The following FUS variants were observed in gnomAD, a reference collection of about 807,000 sequenced individuals.
The protein encoded by FUS is FUS RNA binding protein, also known as RNA-binding protein FUS.
A neutral mutation model predicts 82.7 loss-of-function variants in FUS; 5 were observed. The ratio of observed to expected loss-of-function variants is 0.06; its 90% CI spans 0.03 to 0.13. The LOEUF (loss-of-function observed/expected upper bound fraction) is 0.13, where lower values mean the gene tolerates loss of function less well. FUS is among the 10% of genes least tolerant of loss of function. The pLI, the probability that FUS is intolerant of heterozygous loss-of-function variation, is 1.00. For synonymous variants in FUS, 281 were observed against 247.4 expected, an observed-to-expected ratio of 1.14 and a Z score of -1.27; for missense variants, 512 against 707.8, an observed-to-expected ratio of 0.72 and a Z score of 3.14.
At chr16:31,194,594 T>G (rs564686411), downstream of FUS, 14 of 496,902 alleles carry the variant, frequency 2.8e-5, no homozygotes, top group East Asian at 6.0e-4. Flanking sequence ...TGTGAGATAC[T>G]GTGTCCGGCT....
At chr16:31,185,590 G>C in intron 6 of FUS, 1 of 524,376 alleles carries the variant, frequency 1.9e-6, no homozygotes, top group Non-Finnish European at 3.7e-6. Flanking sequence ...CTAGGGAGTT[G>C]GTAATGGTTA....
At position 31,190,744 on chromosome 16, in the gene FUS, C is replaced by T. The variant is rs1278121893; in HGVS notation, c.1295C>T (p.Thr432Ile). 2 of 1,613,720 alleles carry T rather than the reference C, an allele frequency of 1.2e-6. No individual in the cohort carries two copies. Among genetic ancestry groups the T allele is most frequent in the African/African-American group, 2.7e-5 (2 of 74,924 alleles). ...TGATTGTCTTCCTTTCTCCTTAGCACCTGTGAGAATATGAACTTCTCTTGG... is the reference window on the plus strand; with the variant it reads ...TGATTGTCTTCCTTTCTCCTTAGCATCTGTGAGAATATGAACTTCTCTTGG... ...RAGDWKCPNP[T>I]CENMNFSWRN... Residue 432 changes from threonine (T) to isoleucine (I), a missense_variant and splice_region_variant, in exon 13 of 15, where the codon ACC (threonine) becomes ATC (isoleucine). By Grantham distance (89) the Thr-to-Ile change is moderately conservative (BLOSUM62 -1). Transcript: ENST00000254108.
downstream of FUS, chr16:31,194,294 A>ATTTTT: frequency 6.2e-6 from 3 of 483,890 alleles, no homozygotes; most frequent in Admixed American, 2.4e-5. Flanking sequence ...TCCTTTTTAA[A>ATTTTT]TTTTTTTTTT....
chr16:31,185,278 T>C, intron 6 of FUS, 99 bp downstream of exon 6: 1 of 1,373,942 alleles, frequency 7.3e-7, no homozygotes, highest in South Asian at 1.5e-5. Context: ...TTAGTATTCT[T>C]GTTGTCTAGG....
rs775793820 is a variant in FUS, at chr16:31,188,818, A to G, written c.833-305A>G. On this transcript the variant is annotated intron_variant, in intron 8 of 14. Transcript: ENST00000254108. ...TTCTTATTTAATTCGGGGACCTTCA[A>G]CTGAAAGTTGATAAATACTGATGGA... 102 of 485,092 alleles carry G rather than the reference A, an allele frequency of 2.1e-4. 1 individual carries two copies. Among genetic ancestry groups the G allele is most frequent in the Admixed American group, 8.1e-4 (21 of 26,068 alleles). 30.0% of individuals were successfully genotyped at this position (485,092 alleles called of 1,614,324 possible). A position where few individuals can be genotyped will look rare whatever the true frequency, so the allele number is the denominator to read the frequency against.
intron 3 of FUS, chr16:31,183,279 TA>T (rs545467315): frequency 1.7e-3 from 277 of 158,538 alleles, no homozygotes; most frequent in South Asian, 7.5e-3. Flanking sequence ...CTCAAAAACA[TA>T]AAAAAAAAAA....
rs749725354 is a variant in FUS, at chr16:31,184,425, C to A, written c.523+29C>A. ...AGATGTCTTCAGCTTTGTCTGCAGC[C>A]CATTTTCTTTTTCTTTTTTTTTTTT... On this transcript the variant is annotated intron_variant, in intron 5 of 14. Transcript: ENST00000254108. 7.0e-6 allele frequency: 11 copies of A among 1,576,872 alleles called. No homozygotes were observed. The Admixed American group carries it at 7.2e-5, about 10-fold the overall frequency.
chr16:31,189,889 C>G, intron 10 of FUS, 95 bp downstream of exon 10: 7 of 1,601,310 alleles, frequency 4.4e-6, no homozygotes, highest in Non-Finnish European at 6.0e-6. Flanking sequence ...TTGAGTCTTC[C>G]AACACTTACT....
At chr16:31,186,704 C>G in intron 6 of FUS, 98 bp from the exon 7 acceptor site, 1 of 1,169,848 alleles carries the variant, frequency 8.5e-7, no homozygotes, top group Non-Finnish European at 1.3e-6. Flanking sequence ...TTTCCAAAAA[C>G]ACCTACCCAT....
chr16:31,192,684 A>G, downstream of FUS: 1 of 480,824 alleles, frequency 2.1e-6, no homozygotes, highest in South Asian at 1.5e-5. Flanking sequence ...CCTCAGGAGA[A>G]TCCCAGCTTC....
rs558261593 is a variant in FUS at position 31,184,694 on chromosome 16, T to C, written c.524-245T>C. The stretch of plus-strand genomic sequence containing the variant: ...TCCTGACCTTGTGATCCGCCCGCCT[T>C]GGCCTCCCAAAGTGCTGGGATTACA... On this transcript the variant is annotated intron_variant, in intron 5 of 14. Coordinates refer to ENST00000254108, the MANE Select transcript of FUS (RefSeq NM_004960.4). Among the ~76,000 whole-genome samples the C allele has an allele frequency of 3.9e-5, 6 of 152,192 alleles. No homozygotes were observed. In the South Asian group the frequency reaches 8.3e-4, roughly 21 times the overall value.
intron 1 of FUS, among the ~76,000 whole-genome samples, 191 bp downstream of exon 1, chr16:31,180,418 C>G (rs751387759): frequency 5.9e-5 from 9 of 151,864 alleles, no homozygotes; most frequent in Non-Finnish European, 1.3e-4. Context: ...CTGGCCCTCG[C>G]GCGCGGGGCG....
chr16:31,184,849 C>A, intron 5 of FUS, 90 bp from the exon 6 acceptor site: 1 of 1,320,862 alleles, frequency 7.6e-7, no homozygotes, highest in Non-Finnish European at 1.1e-6. Context: ...TCCTTCATTG[C>A]CTGGCACTTG....
chr16:31,188,841 G>T (rs1404843697), intron 8 of FUS: 2 of 511,098 alleles, frequency 3.9e-6, no homozygotes, highest in Non-Finnish European at 7.0e-6. Context: ...AAATACTGAT[G>T]GACTTTTCTG....
intron 6 of FUS, 45 bp from the exon 7 acceptor site, chr16:31,186,757 G>C (rs1223608625): frequency 6.3e-7 from 1 of 1,596,176 alleles, no homozygotes; most frequent in African/African-American, 1.3e-5. Flanking sequence ...ACCTTTTGTA[G>C]CCGTTGGAAG....
chr16:31,188,255 C>G, intron 7 of FUS, 70 bp from the exon 8 acceptor site: 11 of 1,534,540 alleles, frequency 7.2e-6, no homozygotes, highest in Non-Finnish European at 8.9e-6. Flanking sequence ...CCGTTTTTTC[C>G]TGTTGACTAA....
chr16:31,185,477 C>A (rs1419147616), intron 6 of FUS: 1 of 630,330 alleles, frequency 1.6e-6, no homozygotes, highest in Non-Finnish European at 2.9e-6. Flanking sequence ...ATATCCTAGG[C>A]AAGAAACATG....
downstream of FUS, chr16:31,192,316 A>G (rs1349305169): frequency 3.8e-6 from 2 of 526,932 alleles, no homozygotes; most frequent in South Asian, 1.5e-5. Flanking sequence ...GTTGCAGCCA[A>G]TGAGTTAAAA....
In FUS at chr16:31,185,188, C is replaced by T; in HGVS notation, c.764+9C>T. 2 of 1,603,418 alleles carry T rather than the reference C, an allele frequency of 1.2e-6. No individual in the cohort carries two copies. The highest frequency in any genetic ancestry group is 1.3e-5 in the African/African-American group (1 of 74,848). ...GGCAGAGGTGGCATGGGGTAGGTGT[C>T]TCATGAGCCAGGGAGTATCTTTGGT... is the stretch of plus-strand genomic sequence containing the variant. On this transcript the variant is annotated intron_variant, in intron 6 of 14. Coordinates refer to ENST00000254108, the MANE Select transcript of FUS (RefSeq NM_004960.4).
Sources: allele counts gnomAD v4.1 joint callset (sites outside exome capture counted in the v4.1 genomes callset), GRCh38; gene constraint gnomAD v4.1.1; transcripts MANE v1.5; gene names NCBI Gene and HGNC (gene_info 2026-07-23, HGNC 2026-07-21).